Variants in PEG3 observed in about 807,000 individuals in gnomAD.
PEG3 encodes the protein paternally expressed 3.
Under a neutral mutation model 35.5 loss-of-function variants are expected in PEG3, and 23 were observed. That is an observed-to-expected ratio of 0.65 (90% confidence interval 0.47 to 0.92). The LOEUF (loss-of-function observed/expected upper bound fraction) is 0.92. PEG3 is among the 40% of genes least tolerant of loss of function. PEG3 has a pLI of 0.00. For synonymous variants in PEG3, 707 were observed against 697.0 expected (o/e 1.01, Z -0.23); for missense variants, 1,960 against 1,985.3 (o/e 0.99, Z 0.24).
chr19:56,835,443 C>T (rs2061995358), intron 2 of PEG3, among the ~76,000 whole-genome samples: 1 of 152,200 alleles, frequency 6.6e-6, no homozygotes, highest in Admixed American at 6.5e-5. Context: ...ATCCCCTCTG[C>T]TGAGACTACT....
chr19:56,822,886 G>A (rs1416920926), intron 5 of PEG3, 50 bp from the exon 6 acceptor site: 4 of 1,585,168 alleles, frequency 2.5e-6, no homozygotes, highest in East Asian at 4.6e-5. Context: ...TGACACACCT[G>A]TTTTCCCTGC....
Position 56,812,763 on chromosome 19 carries a change from G to C in PEG3, c.*912C>G. On this transcript the variant is annotated 3_prime_UTR_variant, in exon 10 of 10. Transcript: ENST00000326441. Reference sequence around the variant, plus strand: ...TAAAGGCAAAGATGTAAGATTTACAGGGAAAAGCTTCGGGTTTTATCAATT... The same window carrying C: ...TAAAGGCAAAGATGTAAGATTTACACGGAAAAGCTTCGGGTTTTATCAATT... 1 of 984,604 alleles carries C rather than the reference G, an allele frequency of 1.0e-6. No individual in the cohort carries two copies. Among genetic ancestry groups the C allele is most frequent in the Non-Finnish European group, 1.2e-6 (1 of 829,136 alleles). 61.0% of individuals were successfully genotyped at this position (984,604 alleles called of 1,614,324 possible).
chr19:56,823,513 C>T, intron 5 of PEG3, 80 bp downstream of exon 5: 1 of 1,567,788 alleles, frequency 6.4e-7, no homozygotes, highest in Admixed American at 1.7e-5. Context: ...TTCATGGAGG[C>T]CCCAACCCAC....
intron 2 of PEG3, among the ~76,000 whole-genome samples, chr19:56,829,959 G>A (rs1393473048): frequency 6.6e-6 from 1 of 152,238 alleles, no homozygotes; most frequent in Non-Finnish European, 1.5e-5. Flanking sequence ...CAGGTGCTGA[G>A]AGGAAGAAAG....
At position 56,815,294 on chromosome 19, in the gene PEG3, GGTTT is replaced by G. The variant is rs1568625060; in HGVS notation, c.3144_3147del (p.Asn1049ArgfsTer95). ...GACTTCTCTTGGTCATAGATTTTCT[GGTTT>G]GTGTTGAGGTCTTCGCTGGTAGCAA... On this transcript the variant is annotated frameshift_variant, in exon 10 of 10. Transcript: ENST00000326441. LOFTEE classifies it low-confidence loss of function (END_TRUNC). 6.2e-7 allele frequency: 1 copy of G among 1,614,206 alleles called. No individual in the cohort carries two copies. The highest frequency in any genetic ancestry group is 1.7e-5 in the Admixed American group (1 of 60,026).
Position 56,813,905 on chromosome 19 carries a change from T to C in PEG3, c.4537A>G (p.Thr1513Ala), listed in dbSNP as rs767108664. Reference protein sequence around the residue: ...PYYDCHECTETFTSSTAFSEH... With the variant: ...PYYDCHECTEAFTSSTAFSEH... ...CTGAATGCTGTGCTGGAAGTGAAGGTTTCTGTGCATTCATGGCAGTCATAG... is the reference window on the plus strand; with the variant it reads ...CTGAATGCTGTGCTGGAAGTGAAGGCTTCTGTGCATTCATGGCAGTCATAG... The change falls in exon 10 of 10, where the codon ACC becomes GCC. Residue 1513 changes from threonine (T) to alanine (A), a missense_variant. Physicochemically the swap from Thr to Ala is moderately conservative, Grantham distance 58. Transcript: ENST00000326441. 1 of 1,614,044 alleles carries C rather than the reference T, an allele frequency of 6.2e-7. No individual in the cohort carries two copies. The highest frequency in any genetic ancestry group is 1.7e-5 in the Admixed American group (1 of 59,994).
rs2060857155 is a variant in PEG3 at position 56,824,755 on chromosome 19, G to T, written c.-86-14C>A. 8.7e-7 allele frequency: 1 copy of T among 1,151,036 alleles called. No individual in the cohort carries two copies. Among genetic ancestry groups the T allele is most frequent in the African/African-American group, 1.5e-5 (1 of 64,858 alleles). The allele number at this position is 1,151,036 out of a possible 1,614,324, so 71.3% of individuals were successfully genotyped here. On this transcript the variant is annotated splice_polypyrimidine_tract_variant and intron_variant, in intron 3 of 9. Coordinates refer to ENST00000326441, the MANE Select transcript of PEG3 (RefSeq NM_006210.3). The stretch of plus-strand genomic sequence containing the variant: ...GTACTCAGGGACCTGTGGATCGTAA[G>T]GAGATATACACATGTCCCAGAAGTT...
chr19:56,824,389 C>A lies in PEG3; in HGVS notation c.267G>T (p.Leu89Phe). The A allele has an allele frequency of 1.2e-6, 2 of 1,614,122 alleles. No individual in the cohort carries two copies. The highest frequency in any genetic ancestry group is 1.7e-6 in the Non-Finnish European group (2 of 1,180,034). Residue 89 changes from leucine to phenylalanine, a missense_variant, in exon 4 of 10, where the codon TTG becomes TTT. By Grantham distance (22) the Leu-to-Phe change is conservative. This residue lies in a region of PEG3 where 613 missense variants were observed against 577.1 expected (regional missense o/e 1.06). Transcript: ENST00000326441. ...TGATGGTCAGGTACTGCTCAAGGAC[C>A]AAGAGCTCGATGATCTCCTCCTTGG... ...TRTKEEIIELLVLEQYLTIIP... is the reference protein window; with the variant it reads ...TRTKEEIIELFVLEQYLTIIP...
At chr19:56,821,583 G>T in intron 7 of PEG3, 68 bp downstream of exon 7, 1 of 1,584,336 alleles carries the variant, frequency 6.3e-7, no homozygotes. Flanking sequence ...CACCATCTGG[G>T]GAAAGAAAGG....
chr19:56,832,758 T>C lies in PEG3; in HGVS notation c.-163+3260A>G, dbSNP rs190329972. Among the ~76,000 whole-genome samples the C allele has an allele frequency of 8.3e-4, 126 of 152,286 alleles. 1 individual carries two copies. The highest frequency in any genetic ancestry group is 2.9e-3 in the African/African-American group (122 of 41,564). ...AAGGGTGCTTCTGGGAGTCTGGCGT[T>C]CTTTGATCTCCAAAGGATGTTTTCT... On this transcript the variant is annotated intron_variant, in intron 2 of 9. Coordinates refer to ENST00000326441, the MANE Select transcript of PEG3 (RefSeq NM_006210.3).
At chr19:56,828,560 C>T (rs1353863339) in intron 2 of PEG3, among the ~76,000 whole-genome samples, 2 of 152,130 alleles carry the variant, frequency 1.3e-5, no homozygotes, top group Non-Finnish European at 2.9e-5. Context: ...ACTGAAAGGC[C>T]ACCACGTGGG....
intron 3 of PEG3, among the ~76,000 whole-genome samples, chr19:56,825,638 C>T (rs756972632): frequency 1.3e-5 from 2 of 151,630 alleles, no homozygotes; most frequent in African/African-American, 2.4e-5. Flanking sequence ...CATTTTATTG[C>T]GTATTTTAAT....
intron 2 of PEG3, among the ~76,000 whole-genome samples, chr19:56,832,583 T>C (rs1568713060): frequency 6.6e-6 from 1 of 152,198 alleles, no homozygotes; most frequent in South Asian, 2.1e-4. Flanking sequence ...GACTCAGTGT[T>C]AAGTAGTAGC....
At chr19:56,832,598 A>G (rs2061680333) in intron 2 of PEG3, among the ~76,000 whole-genome samples, 2 of 152,202 alleles carry the variant, frequency 1.3e-5, no homozygotes, top group African/African-American at 4.8e-5. Context: ...AGTAGCCAAC[A>G]GCAGTTAGGG....
At position 56,816,655 on chromosome 19, in the gene PEG3, T is replaced by C. The variant is rs79960989; in HGVS notation, c.1787A>G (p.His596Arg). The C allele has an allele frequency of 1.6e-3, 2,525 of 1,612,366 alleles. 45 individuals are homozygous for C. In the African/African-American group the frequency reaches 0.03, roughly 19 times the overall value. Reference sequence around the variant, plus strand: ...GCGCTCACGTTCACGTTCACGTTCATGTTCACGCTCATTATCTTTGTCATC... The same window carrying C: ...GCGCTCACGTTCACGTTCACGTTCACGTTCACGCTCATTATCTTTGTCATC... Reference protein sequence around the residue: ...FGDDKDNEREHERERERERGE... With the variant: ...FGDDKDNERERERERERERGE... Residue 596 changes from histidine to arginine, a missense_variant, in exon 10 of 10, where the codon CAT becomes CGT. His to Arg is a conservative substitution (Grantham distance 29, BLOSUM62 0). Transcript: ENST00000326441.
In PEG3 at chr19:56,815,971, G is replaced by A. The variant is rs2059939580; in HGVS notation, c.2471C>T (p.Thr824Ile). ...NHQRVRAGGN[T>I]SEGREYSRSV... ...CCTACTGTATTCCCTTCCTTCAGAG[G>A]TGTTCCCTCCAGCACGAACTCTCTG... is the stretch of plus-strand genomic sequence containing the variant. Residue 824 changes from threonine (T) to isoleucine (I), a missense_variant, in exon 10 of 10, where the codon ACC becomes ATC. By Grantham distance (89) the Thr-to-Ile change is moderately conservative. Coordinates refer to ENST00000326441, the MANE Select transcript of PEG3 (RefSeq NM_006210.3). 1 of 1,588,168 alleles carries A rather than the reference G, an allele frequency of 6.3e-7. No homozygotes were observed. Among genetic ancestry groups the A allele is most frequent in the South Asian group, 1.2e-5 (1 of 86,264 alleles).
At chr19:56,829,121 C>A (rs559491353) in intron 2 of PEG3, among the ~76,000 whole-genome samples, 5 of 151,992 alleles carry the variant, frequency 3.3e-5, no homozygotes, top group Non-Finnish European at 7.4e-5. Flanking sequence ...GAGGCCGAGG[C>A]GGGTAGATTA....
At chr19:56,821,853 G>C (rs1156373245) in intron 6 of PEG3, 99 bp from the exon 7 acceptor site, 1 of 1,299,398 alleles carries the variant, frequency 7.7e-7, no homozygotes, top group Admixed American at 1.7e-5. Flanking sequence ...GGGTGTGAGT[G>C]TATGAGAGCA....
chr19:56,835,966 G>C (rs1482364933), intron 2 of PEG3, 52 bp downstream of exon 2: 1 of 492,754 alleles, frequency 2.0e-6, no homozygotes, highest in African/African-American at 1.9e-5. Context: ...AAGGAAGTGC[G>C]GTGGTCACTC....
Sources: gnomAD v4.1 joint callset for allele counts (sites outside exome capture counted in the v4.1 genomes callset) on GRCh38, gnomAD v4.1.1 for gene constraint, gnomAD v4.1.1 regional missense constraint, MANE v1.5 for transcripts, NCBI Gene and HGNC (gene_info 2026-07-23, HGNC 2026-07-21) for gene names.